Variants in ZNF571 observed in about 807,000 individuals in gnomAD.
ZNF571 encodes the protein zinc finger protein 571.
ZNF571 carries 4 observed loss-of-function variants against 7.7 expected under a neutral mutation model. The ratio of observed to expected loss-of-function variants is 0.52; its 90% CI spans 0.25 to 1.18. The LOEUF (loss-of-function observed/expected upper bound fraction) is 1.18, where lower values mean the gene tolerates loss of function less well. Ranked by LOEUF, ZNF571 falls within the 50% of genes most tolerant of loss-of-function variation. The pLI is 0.14. For missense variants in ZNF571, 704 were observed against 726.9 expected, an observed-to-expected ratio of 0.97 and a Z score of 0.36; for synonymous variants, 251 against 232.4, an observed-to-expected ratio of 1.08 and a Z score of -0.73.
At chr19:37,590,412 G>C (rs538340801) in intron 1 of ZNF571, among the ~76,000 whole-genome samples, 244 of 145,974 alleles carry the variant, frequency 1.7e-3, no homozygotes, top group Non-Finnish European at 3.2e-3. Flanking sequence ...GTGAGGCTCC[G>C]TTTCAAAAAA....
chr19:37,591,187 C>T (rs894192903), intron 1 of ZNF571, among the ~76,000 whole-genome samples: 18 of 152,170 alleles, frequency 1.2e-4, no homozygotes, highest in African/African-American at 4.1e-4. Flanking sequence ...GGTCACTGTA[C>T]ACTGTATACC....
In ZNF571 at chr19:37,569,901, A is replaced by G. The variant is rs1408082329; in HGVS notation, c.137-3610T>C. ...TGCACTTCCTGAGAAGCTGTCCCCA[A>G]TCCCAGGCTCCTAGCAATGCTGTTC... On this transcript the variant is annotated intron_variant, in intron 3 of 3. Transcript: ENST00000451802. The surrounding 1 kb of genome is among the most constrained non-coding windows in gnomAD (Gnocchi z 4.4). 1 of 152,176 alleles carries G rather than the reference A, an allele frequency of 6.6e-6. No homozygotes were observed. The highest frequency in any genetic ancestry group is 1.5e-5 in the Non-Finnish European group (1 of 68,090). 9.4% of individuals were successfully genotyped at this position (152,176 alleles called of 1,614,324 possible).
intron 3 of ZNF571, among the ~76,000 whole-genome samples, chr19:37,577,376 C>T (rs2043278963): frequency 6.6e-6 from 1 of 152,076 alleles, no homozygotes; most frequent in Non-Finnish European, 1.5e-5. Context: ...CCAAACCTAG[C>T]CCCAAATCAA....
rs1166757431 is a variant in ZNF571, at chr19:37,566,076, C to G, written c.352G>C (p.Ala118Pro). 6.2e-7 allele frequency: 1 copy of G among 1,614,074 alleles called. No homozygotes were observed. Among genetic ancestry groups the G allele is most frequent in the South Asian group, 1.1e-5 (1 of 91,080 alleles). Residue 118 changes from alanine (A) to proline (P), a missense_variant, in exon 4 of 4, where the codon GCC becomes CCC. Transcript: ENST00000451802. ...GAAGAGGTTGAATGACTTTCAGTGGCCTTTTCTTCACAGGTAATTTTGACA... is the reference window on the plus strand; with the variant it reads ...GAAGAGGTTGAATGACTTTCAGTGGGCTTTTCTTCACAGGTAATTTTGACA... ...MCVKITCEEK[A>P]TESHSTSSTF...
intron 3 of ZNF571, among the ~76,000 whole-genome samples, chr19:37,580,781 G>A (rs761779159): frequency 3.9e-5 from 6 of 152,182 alleles, no homozygotes; most frequent in Non-Finnish European, 8.8e-5. Flanking sequence ...ATGAATGGAA[G>A]CAGCCTGAGG....
At position 37,565,520 on chromosome 19, in the gene ZNF571, C is replaced by T; in HGVS notation, c.908G>A (p.Gly303Asp). 1.2e-6 allele frequency: 2 copies of T among 1,613,758 alleles called. No homozygotes were observed. Among genetic ancestry groups the T allele is most frequent in the South Asian group, 1.1e-5 (1 of 91,064 alleles). ...TTCCTTACACTCATAAGGTTTCTCA[C>T]CACTATGAATTCTCTGATGGTAAGT... is the stretch of plus-strand genomic sequence containing the variant. ...QLTYHQRIHS[G>D]EKPYECKECG... The change falls in exon 4 of 4, where the codon GGT becomes GAT. Residue 303 changes from glycine to aspartate, a missense_variant. Transcript: ENST00000451802.
chr19:37,574,974 A>G (rs963981815), intron 3 of ZNF571, among the ~76,000 whole-genome samples: 11 of 152,138 alleles, frequency 7.2e-5, no homozygotes, highest in African/African-American at 2.2e-4. Context: ...AAATTACCCA[A>G]TCCTTTACAT....
At chr19:37,585,090 G>C (rs918776358) in intron 2 of ZNF571, 7 of 152,080 alleles carry the variant, frequency 4.6e-5, no homozygotes, top group Non-Finnish European at 2.9e-5. Context: ...CTAGGCTATA[G>C]CAAGGTACTG....
Position 37,584,166 on chromosome 19 carries a change from G to A in ZNF571, c.10-69C>T. The stretch of plus-strand genomic sequence containing the variant: ...TCTGAAGTGAAATGAGAAGAAAATG[G>A]AGGAGGTAATTGAAGGAAGCAAGTA... On this transcript the variant is annotated intron_variant, in intron 2 of 3. Coordinates refer to ENST00000451802, the MANE Select transcript of ZNF571 (RefSeq NM_016536.5). 1.9e-6 allele frequency: 3 copies of A among 1,605,890 alleles called. No individual in the cohort carries two copies. The South Asian group carries it at 3.3e-5, about 18-fold the overall frequency.
In ZNF571 at chr19:37,564,707, G is replaced by A; in HGVS notation, c.1721C>T (p.Thr574Ile). ...GRAFSRGSEL[T>I]LHQRIHTGEK... Reference sequence around the variant, plus strand: ...ACCAGTATGGATCCTTTGATGCAGAGTAAGTTCTGAGCCACGACTAAAGGC... The same window carrying A: ...ACCAGTATGGATCCTTTGATGCAGAATAAGTTCTGAGCCACGACTAAAGGC... The change falls in exon 4 of 4, where the codon ACT becomes ATT. Residue 574 changes from threonine (T) to isoleucine (I), a missense_variant. By Grantham distance (89) the Thr-to-Ile change is moderately conservative (BLOSUM62 -1). Coordinates refer to ENST00000451802, the MANE Select transcript of ZNF571 (RefSeq NM_016536.5). 6.2e-7 allele frequency: 1 copy of A among 1,613,614 alleles called. No homozygotes were observed. The highest frequency in any genetic ancestry group is 1.1e-5 in the South Asian group (1 of 91,070).
At chr19:37,593,573 G>A (rs1375999188) in intron 1 of ZNF571, among the ~76,000 whole-genome samples, 1 of 152,058 alleles carries the variant, frequency 6.6e-6, no homozygotes, top group African/African-American at 2.4e-5. Context: ...CATGGTGGCG[G>A]GCGCCTGTAG....
chr19:37,570,041 G>A (rs1238563376), intron 3 of ZNF571: 3 of 152,152 alleles, frequency 2.0e-5, no homozygotes, highest in African/African-American at 4.8e-5. Flanking sequence ...TCTCCACAGA[G>A]ATCTCAATTT....
In ZNF571 at chr19:37,565,734, A is replaced by T; in HGVS notation, c.694T>A (p.Phe232Ile). 6.2e-7 allele frequency: 1 copy of T among 1,613,882 alleles called. No homozygotes were observed. Residue 232 changes from phenylalanine (F) to isoleucine (I), a missense_variant, in exon 4 of 4, where the codon TTT becomes ATT. Transcript: ENST00000451802. ...PYQCNACGKA[F>I]IRGSQLTEHQ... is the part of the protein sequence containing the mutation. ...TCAGTGAGCTGTGAACCACGAATAAAAGCTTTCCCACATGCGTTACACTGA... is the reference window on the plus strand; with the variant it reads ...TCAGTGAGCTGTGAACCACGAATAATAGCTTTCCCACATGCGTTACACTGA...
intron 1 of ZNF571, among the ~76,000 whole-genome samples, chr19:37,589,863 T>TAAA (rs1228213871): frequency 4.3e-4 from 1 of 2,334 alleles, no homozygotes; most frequent in Non-Finnish European, 5.7e-4. Flanking sequence ...AGACTCCATC[T>TAAA]CAAAAAAAAA....
chr19:37,565,959 G>T lies in ZNF571; in HGVS notation c.469C>A (p.His157Asn). 1.9e-6 allele frequency: 3 copies of T among 1,613,702 alleles called. No individual in the cohort carries two copies. Among genetic ancestry groups the T allele is most frequent in the Non-Finnish European group, 2.5e-6 (3 of 1,179,716 alleles). The change falls in exon 4 of 4, where the codon CAT becomes AAT. Residue 157 changes from histidine to asparagine, a missense_variant. Coordinates refer to ENST00000451802, the MANE Select transcript of ZNF571 (RefSeq NM_016536.5). Reference sequence around the variant, plus strand: ...TTTTCTATATTATGATTTTCCTCATGTTGAATAAGGCATGACAGGTAGCTG... The same window carrying T: ...TTTTCTATATTATGATTTTCCTCATTTTGAATAAGGCATGACAGGTAGCTG... ...GFSYLSCLIQ[H>N]EENHNIEKCS... is the part of the protein sequence containing the mutation.
intron 3 of ZNF571, among the ~76,000 whole-genome samples, chr19:37,573,668 CAA>C (rs55763844): frequency 6.8e-5 from 6 of 88,086 alleles, no homozygotes; most frequent in Admixed American, 1.2e-4. Flanking sequence ...CTTGTGTCTA[CAA>C]AAAAAAAAAA....
chr19:37,575,923 GTTAA>G (rs2043227402), intron 3 of ZNF571: 1 of 152,050 alleles, frequency 6.6e-6, no homozygotes, highest in Admixed American at 6.6e-5. Flanking sequence ...CACAATTTCC[GTTAA>G]TTAACTCCAC....
intron 3 of ZNF571, among the ~76,000 whole-genome samples, chr19:37,570,840 A>G (rs1600475999): frequency 6.6e-6 from 1 of 152,296 alleles, no homozygotes; most frequent in East Asian, 1.9e-4. Context: ...AAACAACGAA[A>G]AAACCCACCC....
In ZNF571 at chr19:37,565,092, G is replaced by T. The variant is rs1363860934; in HGVS notation, c.1336C>A (p.Pro446Thr). 5.6e-6 allele frequency: 9 copies of T among 1,613,128 alleles called. No individual in the cohort carries two copies. Among genetic ancestry groups the T allele is most frequent in the African/African-American group, 4.0e-5 (3 of 74,826 alleles). ...TTTCCACATTCCTTACATTCAAAGG[G>T]TTTCTCACCTGTATGAATTCTCTGA... ...EHQRIHTGEK[P>T]FECKECGKAF... is the part of the protein sequence containing the mutation. The change falls in exon 4 of 4, where the codon CCC (proline) becomes ACC (threonine). Residue 446 changes from proline (P) to threonine (T), a missense_variant. Coordinates refer to ENST00000451802, the MANE Select transcript of ZNF571 (RefSeq NM_016536.5).
Sources: allele counts gnomAD v4.1 joint callset (sites outside exome capture counted in the v4.1 genomes callset), GRCh38; gene constraint gnomAD v4.1.1; non-coding constraint Gnocchi (gnomAD v3.1); transcripts MANE v1.5; gene names NCBI Gene and HGNC (gene_info 2026-07-23, HGNC 2026-07-21).